DIP2B: variants seen among roughly 807,000 people sequenced by gnomAD.
The protein encoded by DIP2B is DIP2 acetate--CoA ligase B (putative), also known as disco-interacting protein 2 homolog B.
In DIP2B, 76 loss-of-function variants were observed where a neutral mutation model predicts 198.0. The observed-to-expected ratio is 0.38, with a 90% CI of 0.32 to 0.46. DIP2B has a LOEUF of 0.46. Among genes scored for constraint, DIP2B ranks in the 20% least tolerant of loss-of-function variants. The pLI is 0.99. For missense variants in DIP2B, 1,559 were observed against 1,978.4 expected (o/e 0.79, Z 4.02); for synonymous variants, 701 against 739.1 (o/e 0.95, Z 0.84).
chr12:50,535,091 G>C (rs1958251773), intron 1 of DIP2B, among the ~76,000 whole-genome samples: 1 of 152,034 alleles, frequency 6.6e-6, no homozygotes, highest in African/African-American at 2.4e-5. Flanking sequence ...AATTAGCCGG[G>C]TGTGATGGTG....
chr12:50,662,164 A>G (rs567396538), intron 4 of DIP2B, among the ~76,000 whole-genome samples: 1 of 152,330 alleles, frequency 6.6e-6, no homozygotes, highest in East Asian at 1.9e-4. Flanking sequence ...TCATGATTCC[A>G]AAGATACAAT....
intron 1 of DIP2B, among the ~76,000 whole-genome samples, chr12:50,530,105 C>G (rs1457484792): frequency 6.6e-6 from 1 of 151,918 alleles, no homozygotes; most frequent in Non-Finnish European, 1.5e-5. Context: ...GAGACAGGGT[C>G]TCTCTCTGTC....
At chr12:50,556,073 A>T (rs1424652629) in intron 1 of DIP2B, among the ~76,000 whole-genome samples, 1 of 151,952 alleles carries the variant, frequency 6.6e-6, no homozygotes, top group Non-Finnish European at 1.5e-5. Context: ...TTTCCCCCCA[A>T]GATGGAGTCT....
In DIP2B at chr12:50,660,315, T is replaced by A. The variant is rs1037221879; in HGVS notation, c.423T>A (p.Pro141=). 4.4e-6 allele frequency: 7 copies of A among 1,601,620 alleles called. No individual in the cohort carries two copies. Among genetic ancestry groups the A allele is most frequent in the Non-Finnish European group, 5.1e-6 (6 of 1,174,890 alleles). The change falls in exon 4 of 38, where the codon CCT becomes CCA. Residue 141 remains proline, a synonymous_variant. Coordinates refer to ENST00000301180, the MANE Select transcript of DIP2B (RefSeq NM_173602.3). ...FVQSPADACT[P]PDTSSASEDE... is the part of the protein sequence containing the mutation. ...AGTCTCCTGCAGATGCCTGCACACC[T>A]CCTGGTAGGTTTATCAGAGCTTTTT...
intron 1 of DIP2B, among the ~76,000 whole-genome samples, chr12:50,623,548 C>T (rs1352573309): frequency 6.6e-6 from 1 of 150,662 alleles, no homozygotes; most frequent in Non-Finnish European, 1.5e-5. Context: ...CACACACACA[C>T]TCTCACTCAC....
chr12:50,744,470 C>T (rs574576508), intron 37 of DIP2B, 117 bp from the exon 38 acceptor site: 8 of 1,406,440 alleles, frequency 5.7e-6, no homozygotes, highest in East Asian at 2.3e-5. Flanking sequence ...TGACTGCTGA[C>T]GTTCTGGTTG....
In DIP2B at chr12:50,746,950, C is replaced by G. The variant is rs1272299524; in HGVS notation, c.*2111C>G. 5 of 152,158 alleles carry G rather than the reference C, an allele frequency of 3.3e-5. No individual in the cohort carries two copies. The highest frequency in any genetic ancestry group is 7.3e-5 in the Non-Finnish European group (5 of 68,034). 9.4% of individuals were successfully genotyped at this position (152,158 alleles called of 1,614,324 possible). Reference sequence around the variant, plus strand: ...AGAGATGCACTGTCCACTGTAAATACTATAATGAGAGCCACATCTGTAATT... The same window carrying G: ...AGAGATGCACTGTCCACTGTAAATAGTATAATGAGAGCCACATCTGTAATT... On this transcript the variant is annotated 3_prime_UTR_variant, in exon 38 of 38. Coordinates refer to ENST00000301180, the MANE Select transcript of DIP2B (RefSeq NM_173602.3).
chr12:50,584,418 A>C (rs918515045), intron 1 of DIP2B, among the ~76,000 whole-genome samples: 11 of 152,302 alleles, frequency 7.2e-5, no homozygotes, highest in African/African-American at 2.4e-4. Flanking sequence ...CTCCGTCTGC[A>C]TTTCCACCAC....
chr12:50,516,817 A>G (rs371550686), intron 1 of DIP2B, among the ~76,000 whole-genome samples: 68 of 152,124 alleles, frequency 4.5e-4, no homozygotes, highest in Non-Finnish European at 8.4e-4. Context: ...AGTACTAAAA[A>G]TGCAAAAATT....
chr12:50,539,244 T>TTTTTTGACAGAGTCTTG (rs1958297477), intron 1 of DIP2B, among the ~76,000 whole-genome samples: 2 of 151,592 alleles, frequency 1.3e-5, no homozygotes, highest in South Asian at 4.2e-4. Flanking sequence ...TTCTTTTTTT[T>TTTTTTGACAGAGTCTTG]TTTTTTGACA....
At chr12:50,596,864 GGTTA>G in intron 1 of DIP2B, among the ~76,000 whole-genome samples, 1 of 152,026 alleles carries the variant, frequency 6.6e-6, no homozygotes, top group East Asian at 1.9e-4. Context: ...CACTTGTCTT[GGTTA>G]GTTATATTTC....
chr12:50,683,391 G>T, intron 10 of DIP2B, 143 bp downstream of exon 10: 1 of 620,380 alleles, frequency 1.6e-6, no homozygotes, highest in East Asian at 3.1e-5. Context: ...CAGGAAATTT[G>T]TAGAAAAATT....
intron 1 of DIP2B, among the ~76,000 whole-genome samples, chr12:50,528,757 G>A (rs1206201969): frequency 6.6e-6 from 1 of 152,180 alleles, no homozygotes; most frequent in Non-Finnish European, 1.5e-5. Context: ...TTGCAGAGGC[G>A]ACTGCAAAGA....
At chr12:50,590,097 A>G (rs1453029610) in intron 1 of DIP2B, among the ~76,000 whole-genome samples, 4 of 151,470 alleles carry the variant, frequency 2.6e-5, no homozygotes, top group Non-Finnish European at 5.9e-5. Context: ...CTGGGCTCAG[A>G]TAATCCTCCT....
rs1314839563 is a variant in DIP2B at position 50,735,113 on chromosome 12, C to T, written c.4084C>T (p.Leu1362Phe). 1.9e-6 allele frequency: 3 copies of T among 1,614,140 alleles called. No homozygotes were observed. The highest frequency in any genetic ancestry group is 2.5e-6 in the Non-Finnish European group (3 of 1,180,020). Reference sequence around the variant, plus strand: ...ACGTGGCGCCCCTCAGAGTTTGCTTCTCTCAGAGTCTGGAAAGGTAATTTG... The same window carrying T: ...ACGTGGCGCCCCTCAGAGTTTGCTTTTCTCAGAGTCTGGAAAGGTAATTTG... ...VERGAPQSLLLSESGKILPGV... is the reference protein window; with the variant it reads ...VERGAPQSLLFSESGKILPGV... The change falls in exon 34 of 38, where the codon CTC becomes TTC. Residue 1362 changes from leucine (L) to phenylalanine (F), a missense_variant. By Grantham distance (22) the Leu-to-Phe change is conservative. Coordinates refer to ENST00000301180, the MANE Select transcript of DIP2B (RefSeq NM_173602.3).
intron 19 of DIP2B, 99 bp downstream of exon 19, chr12:50,699,301 TGA>T: frequency 6.6e-7 from 1 of 1,521,598 alleles, no homozygotes; most frequent in African/African-American, 1.4e-5. Context: ...AACATGTGGT[TGA>T]GAGTGTGTAC....
chr12:50,582,210 G>A (rs1021257849), intron 1 of DIP2B, among the ~76,000 whole-genome samples: 1 of 127,612 alleles, frequency 7.8e-6, no homozygotes. Context: ...GGGGTTCAAT[G>A]GTGCGATCTC....
At position 50,732,390 on chromosome 12, in the gene DIP2B, G is replaced by A. The variant is rs367906585; in HGVS notation, c.3835G>A (p.Val1279Ile). ...LKTRGINLSC[V>I]RTCVVVAEER... ...GACCAGAGGGATCAACCTCTCCTGC[G>A]TCCGGACCTGTGTGGTGGTGGCGGA... Residue 1279 changes from valine to isoleucine, a missense_variant, in exon 32 of 38, where the codon GTC becomes ATC. Transcript: ENST00000301180. The A allele has an allele frequency of 1.2e-4, 194 of 1,614,068 alleles. No homozygotes were observed. The highest frequency in any genetic ancestry group is 1.5e-4 in the Non-Finnish European group (179 of 1,180,042).
chr12:50,666,458 C>A (rs182443985), intron 4 of DIP2B, among the ~76,000 whole-genome samples: 9 of 152,182 alleles, frequency 5.9e-5, no homozygotes, highest in Admixed American at 4.6e-4. Flanking sequence ...AGAAAATGTT[C>A]TTTTAGAAAT....
Sources: gnomAD v4.1 joint callset for allele counts (sites outside exome capture counted in the v4.1 genomes callset) on GRCh38, gnomAD v4.1.1 for gene constraint, MANE v1.5 for transcripts, NCBI Gene and HGNC (gene_info 2026-07-23, HGNC 2026-07-21) for gene names.